MMRN1: variants seen among roughly 807,000 people sequenced by gnomAD.
The protein encoded by MMRN1 is multimerin 1.
In MMRN1, 94 loss-of-function variants were observed where a neutral mutation model predicts 100.7. That is an observed-to-expected ratio of 0.93 (90% CI 0.79 to 1.11). The LOEUF (loss-of-function observed/expected upper bound fraction) is 1.11. Ranked by LOEUF, MMRN1 falls within the 50% of genes least tolerant of loss-of-function variation. The pLI is 0.00. For missense variants in MMRN1, 1,606 were observed against 1,439.1 expected (o/e 1.12, Z -1.88); for synonymous variants, 575 against 505.0 (o/e 1.14, Z -1.86).
At chr4:89,889,608 C>G (rs1182744040) in intron 1 of MMRN1, among the ~76,000 whole-genome samples, 2 of 152,104 alleles carry the variant, frequency 1.3e-5, no homozygotes, top group Non-Finnish European at 2.9e-5. Context: ...TGATTGTTCA[C>G]TGTATTCCCG....
At chr4:89,926,324 A>G (rs1722257878) in intron 4 of MMRN1, among the ~76,000 whole-genome samples, 1 of 152,114 alleles carries the variant, frequency 6.6e-6, no homozygotes. Context: ...AGCCATTTTA[A>G]CTGAGGTGAG....
At chr4:89,938,786 G>A (rs1722733851) in intron 6 of MMRN1, among the ~76,000 whole-genome samples, 1 of 151,760 alleles carries the variant, frequency 6.6e-6, no homozygotes, top group African/African-American at 2.4e-5. Context: ...TTTACTGACT[G>A]TAGAACTTTT....
rs1578489913 is a variant in MMRN1 at position 89,929,094 on chromosome 4, G to A, written c.1129+1126G>A. Among the ~76,000 whole-genome samples, 5 of 152,230 alleles carry A rather than the reference G, an allele frequency of 3.3e-5. No individual in the cohort carries two copies. The East Asian group carries it at 7.7e-4, about 24-fold the overall frequency. ...ATGTTAACCATGCAGAAAGGTTTCG[G>A]GTAGGGCAAGGATGTTCTAGGCATG... is the stretch of plus-strand genomic sequence containing the variant. On this transcript the variant is annotated intron_variant, in intron 5 of 7. Coordinates refer to ENST00000264790, the MANE Select transcript of MMRN1 (RefSeq NM_007351.3).
At chr4:89,903,075 T>C (rs1721443713) in intron 1 of MMRN1, among the ~76,000 whole-genome samples, 3 of 151,944 alleles carry the variant, frequency 2.0e-5, no homozygotes, top group Non-Finnish European at 4.4e-5. Context: ...TAATGCTTTA[T>C]TTAAATATAA....
intron 1 of MMRN1, among the ~76,000 whole-genome samples, chr4:89,886,260 C>T (rs1720935303): frequency 6.6e-6 from 1 of 151,958 alleles, no homozygotes; most frequent in Non-Finnish European, 1.5e-5. Context: ...TTTTGATTAT[C>T]ATTCAGTTAC....
At chr4:89,925,733 G>A (rs1002222836) in intron 4 of MMRN1, among the ~76,000 whole-genome samples, 6 of 152,008 alleles carry the variant, frequency 3.9e-5, no homozygotes, top group African/African-American at 1.2e-4. Context: ...GGAAGGCTGA[G>A]GCAGGGGAAT....
At chr4:89,941,427 GCT>G (rs1177954903) in intron 6 of MMRN1, among the ~76,000 whole-genome samples, 1 of 152,070 alleles carries the variant, frequency 6.6e-6, no homozygotes, top group South Asian at 2.1e-4. Flanking sequence ...ATTTCTGTGT[GCT>G]CTTTTTTTCT....
At chr4:89,952,949 T>C (rs759950762) in intron 7 of MMRN1, 48 bp from the exon 8 acceptor site, 3 of 1,494,614 alleles carry the variant, frequency 2.0e-6, no homozygotes, top group South Asian at 1.3e-5. Context: ...GAAAGAAAAA[T>C]AAGATAAAAA....
At chr4:89,901,396 A>AATT (rs1268544898) in intron 1 of MMRN1, among the ~76,000 whole-genome samples, 161 of 151,742 alleles carry the variant, frequency 1.1e-3, no homozygotes, top group African/African-American at 3.7e-3. Flanking sequence ...TTTAATGACA[A>AATT]ATTAGAAAAT....
At chr4:89,881,688 A>T (rs1278135471) in intron 1 of MMRN1, among the ~76,000 whole-genome samples, 1 of 151,858 alleles carries the variant, frequency 6.6e-6, no homozygotes, top group Non-Finnish European at 1.5e-5. Flanking sequence ...TCTGGTATTG[A>T]TTCATCTAGT....
chr4:89,918,055 T>C (rs1347052061), intron 3 of MMRN1, among the ~76,000 whole-genome samples: 7 of 151,720 alleles, frequency 4.6e-5, no homozygotes, highest in African/African-American at 1.7e-4. Context: ...TTTTGTCATA[T>C]AAATTTTATT....
intron 1 of MMRN1, among the ~76,000 whole-genome samples, chr4:89,884,135 C>G (rs1007774547): frequency 2.0e-5 from 3 of 152,022 alleles, no homozygotes; most frequent in Non-Finnish European, 4.4e-5. Context: ...GTCTTGACAT[C>G]ATGTAGTATT....
chr4:89,902,827 T>G (rs1245980934), intron 1 of MMRN1, among the ~76,000 whole-genome samples: 2 of 152,038 alleles, frequency 1.3e-5, no homozygotes, highest in Non-Finnish European at 2.9e-5. Context: ...TTCAAAAAAT[T>G]ATTTTAAATA....
chr4:89,934,864 T>G lies in MMRN1; in HGVS notation c.1184T>G (p.Phe395Cys). ...ATAAGAGACATAGTAAGAGAACAAT[T>G]TAAAATTTTTCAAAATGACATGCAA... Reference protein sequence around the residue: ...VLIRDIVREQFKIFQNDMQET... With the variant: ...VLIRDIVREQCKIFQNDMQET... Residue 395 changes from phenylalanine (F) to cysteine (C), a missense_variant, in exon 6 of 8, where the codon TTT (phenylalanine) becomes TGT (cysteine). Transcript: ENST00000264790. 6.3e-7 allele frequency: 1 copy of G among 1,585,486 alleles called. No homozygotes were observed. Among genetic ancestry groups the G allele is most frequent in the Non-Finnish European group, 8.5e-7 (1 of 1,169,646 alleles).
At chr4:89,899,876 C>T (rs529088977) in intron 1 of MMRN1, among the ~76,000 whole-genome samples, 1 of 152,054 alleles carries the variant, frequency 6.6e-6, no homozygotes, top group South Asian at 2.1e-4. Flanking sequence ...AATTGGTCCA[C>T]TTCTTTCCAC....
intron 6 of MMRN1, among the ~76,000 whole-genome samples, chr4:89,941,138 C>T (rs1178833769): frequency 1.3e-5 from 2 of 152,212 alleles, no homozygotes; most frequent in East Asian, 3.9e-4. Context: ...AATAGGTTAT[C>T]TTCTGTACAA....
chr4:89,936,437 G>A lies in MMRN1; in HGVS notation c.2757G>A (p.Ser919=), dbSNP rs41279303. 2.6e-3 allele frequency: 4,159 copies of A among 1,610,112 alleles called. 21 individuals are homozygous for A. Among genetic ancestry groups the A allele is most frequent in the South Asian group, 7.8e-3 (701 of 89,798 alleles). Residue 919 remains serine, a synonymous_variant, in exon 6 of 8, where the codon TCG becomes TCA. Coordinates refer to ENST00000264790, the MANE Select transcript of MMRN1 (RefSeq NM_007351.3). ...KSIHLSINFF[S]LNKTLHEVLT... ...TCCATCTTTCAATTAACTTCTTTTC[G>A]CTTAACAAAACTCTCCACGAAGTTT...
chr4:89,930,507 T>C (rs1317506068), intron 5 of MMRN1, among the ~76,000 whole-genome samples: 1 of 151,322 alleles, frequency 6.6e-6, no homozygotes, highest in Non-Finnish European at 1.5e-5. Context: ...TGTCCACAAC[T>C]AATAAATTCA....
Position 89,898,138 on chromosome 4 carries a change from G to A in MMRN1, c.623+2544G>A, listed in dbSNP as rs150652218. Among the ~76,000 whole-genome samples, 447 of 152,194 alleles carry A rather than the reference G, an allele frequency of 2.9e-3. 4 individuals are homozygous for A. The highest frequency in any genetic ancestry group is 4.2e-3 in the Non-Finnish European group (289 of 68,008). ...GTCCTTCACTTTTGGACACAGTGCT[G>A]CTGCAAACCCTTGATATGGTCAAAA... On this transcript the variant is annotated intron_variant, in intron 1 of 7. Coordinates refer to ENST00000264790, the MANE Select transcript of MMRN1 (RefSeq NM_007351.3).
Sources: gnomAD v4.1 joint callset for allele counts (sites outside exome capture counted in the v4.1 genomes callset) on GRCh38, gnomAD v4.1.1 for gene constraint, MANE v1.5 for transcripts, NCBI Gene and HGNC (gene_info 2026-07-23, HGNC 2026-07-21) for gene names.